The following SHROOM3 variants were observed in gnomAD, a reference collection of about 807,000 sequenced individuals.
SHROOM3 encodes protein Shroom3.
SHROOM3 carries 47 observed loss-of-function variants against 138.6 expected under a neutral mutation model. The observed-to-expected ratio is 0.34, with a 90% CI of 0.27 to 0.43. The LOEUF is 0.43. Among genes scored for constraint, SHROOM3 ranks in the 20% least tolerant of loss-of-function variants. The pLI is 1.00. For missense variants in SHROOM3, 2,491 were observed against 2,596.5 expected, an observed-to-expected ratio of 0.96 and a Z score of 0.88; for synonymous variants, 1,062 against 1,063.3, an observed-to-expected ratio of 1.00 and a Z score of 0.02.
chr4:76,520,437 T>C (rs1732539183), intron 1 of SHROOM3, among the ~76,000 whole-genome samples: 1 of 151,868 alleles, frequency 6.6e-6, no homozygotes, highest in African/African-American at 2.4e-5. Context: ...ATATATATAC[T>C]CATACAAATC....
At chr4:76,513,373 G>A (rs1024423307) in intron 1 of SHROOM3, among the ~76,000 whole-genome samples, 1 of 151,914 alleles carries the variant, frequency 6.6e-6, no homozygotes, top group Non-Finnish European at 1.5e-5. Flanking sequence ...ACCCATGCCA[G>A]CATGATATTG....
Position 76,479,724 on chromosome 4 carries a change from C to T in SHROOM3, c.168+43504C>T, listed in dbSNP as rs186947080. Among the ~76,000 whole-genome samples the T allele has an allele frequency of 3.1e-4, 47 of 152,238 alleles. No homozygotes were observed. The East Asian group carries it at 8.5e-3, about 28-fold the overall frequency. Reference sequence around the variant, plus strand: ...ATGAAGGAAAATACGTTAAGGGCAGCCAGAAAGAAAGGTCGGGTTACCCAC... The same window carrying T: ...ATGAAGGAAAATACGTTAAGGGCAGTCAGAAAGAAAGGTCGGGTTACCCAC... On this transcript the variant is annotated intron_variant, in intron 1 of 10. Transcript: ENST00000296043.
rs778942138 is a variant in SHROOM3 at position 76,741,554 on chromosome 4, G to C, written c.3381G>C (p.Ala1127=). 1.9e-6 allele frequency: 3 copies of C among 1,546,288 alleles called. No homozygotes were observed. Among genetic ancestry groups the C allele is most frequent in the Admixed American group, 1.9e-5 (1 of 52,932 alleles). The change falls in exon 5 of 11, where the codon GCG becomes GCC. Residue 1127 remains alanine, a synonymous_variant. Transcript: ENST00000296043. This position sits in a 1 kb window ranked among gnomAD's most constrained non-coding sequence, Gnocchi z 6.2. Reference sequence around the variant, plus strand: ...CCTACCTCCAGCCCGGCCCCGCGGCGCTCGAAGGCTCCGGCCTCGCCTCGG... The same window carrying C: ...CCTACCTCCAGCCCGGCCCCGCGGCCCTCGAAGGCTCCGGCCTCGCCTCGG... ...QSAYLQPGPA[A]LEGSGLASAS... is the part of the protein sequence containing the mutation.
At chr4:76,538,260 T>C (rs980440691) in intron 1 of SHROOM3, among the ~76,000 whole-genome samples, 33 of 152,206 alleles carry the variant, frequency 2.2e-4, no homozygotes, top group African/African-American at 7.7e-4. Flanking sequence ...AATAAAGCTG[T>C]TGGAAAAAAA....
chr4:76,688,729 T>A, intron 2 of SHROOM3: 1 of 985,402 alleles, frequency 1.0e-6, no homozygotes, highest in Non-Finnish European at 1.2e-6. Flanking sequence ...ATGGATATAT[T>A]TTCTAAAATT....
chr4:76,630,704 A>G (rs1429442459), intron 2 of SHROOM3, among the ~76,000 whole-genome samples: 1 of 152,252 alleles, frequency 6.6e-6, no homozygotes, highest in Non-Finnish European at 1.5e-5. Flanking sequence ...AAGAGAATGT[A>G]GGCGACTCTG....
intron 9 of SHROOM3, among the ~76,000 whole-genome samples, chr4:76,762,123 AAGTTAAGCAACT>A (rs1460164870): frequency 6.6e-6 from 1 of 152,152 alleles, no homozygotes; most frequent in African/African-American, 2.4e-5. Context: ...AAAAATCTGG[AAGTTAAGCAACT>A]AGTTTGTCCT....
rs556623036 is a variant in SHROOM3, at chr4:76,692,089, C to T, written c.324-18067C>T. 3.8e-4 allele frequency among the ~76,000 whole-genome samples: 58 copies of T among 152,304 alleles called. 1 individual carries two copies. The South Asian group carries it at 5.6e-3, about 15-fold the overall frequency. ...CAGGAGCTGTTTCCTCCTGCAGGAT[C>T]ACTGAGAGGGGTTCACTTTCTAGGG... On this transcript the variant is annotated intron_variant, in intron 2 of 10. Coordinates refer to ENST00000296043, the MANE Select transcript of SHROOM3 (RefSeq NM_020859.4).
chr4:76,746,796 T>C (rs200513439), intron 5 of SHROOM3, among the ~76,000 whole-genome samples: 1 of 89,022 alleles, frequency 1.1e-5, no homozygotes, highest in Admixed American at 1.1e-4. Flanking sequence ...TTATTATTAT[T>C]ATTATTATTA....
intron 2 of SHROOM3, among the ~76,000 whole-genome samples, chr4:76,633,853 TA>T (rs1256794932): frequency 6.6e-6 from 1 of 151,994 alleles, no homozygotes; most frequent in Admixed American, 6.6e-5. Flanking sequence ...TCTCAACCAA[TA>T]TGCTATCCTT....
chr4:76,541,877 T>A (rs1733111572), intron 1 of SHROOM3, among the ~76,000 whole-genome samples: 1 of 152,166 alleles, frequency 6.6e-6, no homozygotes, highest in Non-Finnish European at 1.5e-5. Flanking sequence ...TTGCTGAACC[T>A]GCTCCTCCTT....
chr4:76,597,571 A>G (rs1489263436), intron 2 of SHROOM3, among the ~76,000 whole-genome samples: 1 of 152,220 alleles, frequency 6.6e-6, no homozygotes, highest in African/African-American at 2.4e-5. Flanking sequence ...GTTAAGTAGA[A>G]CAAGACAGGG....
At chr4:76,452,315 C>A (rs567945879) in intron 1 of SHROOM3, among the ~76,000 whole-genome samples, 1 of 152,304 alleles carries the variant, frequency 6.6e-6, no homozygotes, top group Admixed American at 6.5e-5. Flanking sequence ...CTTATCACCA[C>A]CATCCACCTC....
chr4:76,515,213 TAAA>T (rs67216189), intron 1 of SHROOM3, among the ~76,000 whole-genome samples: 15 of 113,042 alleles, frequency 1.3e-4, no homozygotes, highest in African/African-American at 3.1e-4. Flanking sequence ...AAACTCTGTC[TAAA>T]AAAAAAAAAA....
intron 3 of SHROOM3, among the ~76,000 whole-genome samples, chr4:76,730,239 T>C (rs1203478020): frequency 2.0e-5 from 3 of 152,242 alleles, no homozygotes; most frequent in Admixed American, 1.3e-4. Flanking sequence ...TCAGAGGGCA[T>C]TTTGTTCTCT....
intron 2 of SHROOM3, among the ~76,000 whole-genome samples, chr4:76,695,624 A>AC (rs1719704269): frequency 6.6e-6 from 1 of 152,238 alleles, no homozygotes; most frequent in Non-Finnish European, 1.5e-5. Context: ...AGTCACCTTG[A>AC]CCAATTCATT....
chr4:76,504,500 A>G (rs1732168551), intron 1 of SHROOM3, among the ~76,000 whole-genome samples: 1 of 152,218 alleles, frequency 6.6e-6, no homozygotes, highest in Non-Finnish European at 1.5e-5. Flanking sequence ...TTTGATAAAC[A>G]TAAAAAATCC....
chr4:76,782,658 G>T lies in SHROOM3; in HGVS notation c.*3481G>T, dbSNP rs1430782603. On this transcript the variant is annotated 3_prime_UTR_variant, in exon 11 of 11. Transcript: ENST00000296043. ...GTGCTGGCTTCATTGTTAGGTTGGA[G>T]TTATTATTTTCCTTTTAGAACAACA... The T allele has an allele frequency of 1.3e-5, 2 of 152,106 alleles. No individual in the cohort carries two copies. Among genetic ancestry groups the T allele is most frequent in the Admixed American group, 1.3e-4 (2 of 15,264 alleles). The allele number at this position is 152,106 out of a possible 1,614,324, so 9.4% of individuals were successfully genotyped here. A position where few individuals can be genotyped will look rare whatever the true frequency, so the allele number is the denominator to read the frequency against.
intron 2 of SHROOM3, among the ~76,000 whole-genome samples, chr4:76,652,798 T>A (rs570335184): frequency 6.6e-6 from 1 of 151,990 alleles, no homozygotes; most frequent in East Asian, 1.9e-4. Flanking sequence ...TGTGTATAAG[T>A]GTGTGTGTGT....
Sources: gnomAD v4.1 joint callset for allele counts (sites outside exome capture counted in the v4.1 genomes callset) on GRCh38, gnomAD v4.1.1 for gene constraint, Gnocchi (gnomAD v3.1) non-coding constraint, MANE v1.5 for transcripts, NCBI Gene and HGNC (gene_info 2026-07-23, HGNC 2026-07-21) for gene names.